Variants in KCNK2 observed in about 807,000 individuals in gnomAD.
The protein encoded by KCNK2 is potassium two pore domain channel subfamily K member 2.
KCNK2 carries 21 observed loss-of-function variants against 40.5 expected under a neutral mutation model. That is an observed-to-expected ratio of 0.52 (90% CI 0.37 to 0.75). The LOEUF is 0.75. Ranked by LOEUF, KCNK2 falls within the 30% of genes least tolerant of loss-of-function variation. The probability of loss-of-function intolerance (pLI) is 0.00; values close to 1 mark genes in which losing one functional copy is unlikely to be tolerated. For synonymous variants in KCNK2, 191 were observed against 202.2 expected (o/e 0.94, Z 0.47); for missense variants, 399 against 531.6 (o/e 0.75, Z 2.45).
chr1:215,033,522 GGGA>G (rs972663177), intron 1 of KCNK2, among the ~76,000 whole-genome samples: 2 of 152,096 alleles, frequency 1.3e-5, no homozygotes, highest in African/African-American at 2.4e-5. Context: ...AAGGTATGAG[GGGA>G]GGAGAAGTGT....
At chr1:215,006,982 T>C (rs1295467137) in intron 1 of KCNK2, among the ~76,000 whole-genome samples, 1 of 126,096 alleles carries the variant, frequency 7.9e-6, no homozygotes, top group African/African-American at 3.2e-5. Context: ...ATCACTAAGT[T>C]TGGGGACCAA....
intron 6 of KCNK2, among the ~76,000 whole-genome samples, chr1:215,207,758 G>T (rs1665378636): frequency 6.6e-6 from 1 of 152,018 alleles, no homozygotes; most frequent in Non-Finnish European, 1.5e-5. Flanking sequence ...AGCAACACAA[G>T]CATATGGAAA....
intron 1 of KCNK2, among the ~76,000 whole-genome samples, chr1:215,018,998 C>G (rs201303840): frequency 7.2e-6 from 1 of 138,792 alleles, no homozygotes; most frequent in African/African-American, 2.5e-5. Flanking sequence ...CACACACACA[C>G]AAAAAAAAAA....
At chr1:215,192,442 TC>T (rs1664706061) in intron 5 of KCNK2, among the ~76,000 whole-genome samples, 1 of 152,202 alleles carries the variant, frequency 6.6e-6, no homozygotes, top group South Asian at 2.1e-4. Context: ...AACTGTGACA[TC>T]CTGTTTATAA....
At chr1:215,190,276 G>C (rs762919957) in intron 5 of KCNK2, among the ~76,000 whole-genome samples, 22 of 152,190 alleles carry the variant, frequency 1.4e-4, no homozygotes, top group Admixed American at 3.9e-4. Context: ...TTGGTGGAAT[G>C]ATGCTTGTCC....
chr1:215,234,963 G>T lies in KCNK2; in HGVS notation c.1099G>T (p.Ala367Ser). 1 of 1,614,016 alleles carries T rather than the reference G, an allele frequency of 6.2e-7. No individual in the cohort carries two copies. Among genetic ancestry groups the T allele is most frequent in the Non-Finnish European group, 8.5e-7 (1 of 1,179,998 alleles). The change falls in exon 7 of 7, where the codon GCA (alanine) becomes TCA (serine). Residue 367 changes from alanine (A) to serine (S), a missense_variant. Around this residue, in one of 3 missense-constraint regions of KCNK2, gnomAD observed 103 missense variants for 124.3 expected, o/e 0.83. Transcript: ENST00000444842. ...RATSIKRKLS[A>S]ELAGNHNQEL... The stretch of plus-strand genomic sequence containing the variant: ...CACCTCCATCAAGCGGAAGCTCTCG[G>T]CAGAACTGGCTGGAAACCACAATCA...
At chr1:215,154,766 A>G (rs1410936106) in intron 3 of KCNK2, among the ~76,000 whole-genome samples, 1 of 152,088 alleles carries the variant, frequency 6.6e-6, no homozygotes, top group African/African-American at 2.4e-5. Flanking sequence ...TATAAGGTGT[A>G]AAGAAGGGGT....
chr1:215,017,301 G>A (rs7514693), intron 1 of KCNK2, among the ~76,000 whole-genome samples: 34,001 of 152,088 alleles, frequency 0.22, 4,587 homozygotes, highest in South Asian at 0.5. Flanking sequence ...CATGTTTACT[G>A]CAGCACTATT....
At chr1:215,219,811 A>G (rs1260423221) in intron 6 of KCNK2, among the ~76,000 whole-genome samples, 3 of 152,168 alleles carry the variant, frequency 2.0e-5, no homozygotes, top group Non-Finnish European at 4.4e-5. Flanking sequence ...TGTTACAATC[A>G]TTTATTTTGA....
chr1:215,007,041 G>GTGTGTGTATATATATATA (rs1558053959), intron 1 of KCNK2, among the ~76,000 whole-genome samples: 3 of 110,318 alleles, frequency 2.7e-5, no homozygotes, highest in Non-Finnish European at 5.4e-5. Context: ...ATATATATGT[G>GTGTGTGTATATATATATA]TGTGTGTGTA....
At chr1:215,228,385 T>C (rs1317730755) in intron 6 of KCNK2, among the ~76,000 whole-genome samples, 1 of 152,088 alleles carries the variant, frequency 6.6e-6, no homozygotes, top group Non-Finnish European at 1.5e-5. Context: ...CTTAGTGAGG[T>C]GGATGAGAAC....
chr1:215,228,246 A>T (rs1666473570), intron 6 of KCNK2, among the ~76,000 whole-genome samples: 1 of 152,190 alleles, frequency 6.6e-6, no homozygotes, highest in Admixed American at 6.5e-5. Flanking sequence ...GATTGAGAAA[A>T]TTGACCCGAA....
intron 3 of KCNK2, among the ~76,000 whole-genome samples, chr1:215,162,734 T>A (rs988729143): frequency 2.6e-5 from 4 of 152,180 alleles, no homozygotes; most frequent in Non-Finnish European, 4.4e-5. Context: ...TGGTTGTAGA[T>A]GTGTGGCATT....
At chr1:215,210,167 G>C (rs1292685157) in intron 6 of KCNK2, among the ~76,000 whole-genome samples, 1 of 146,554 alleles carries the variant, frequency 6.8e-6, no homozygotes. Flanking sequence ...TATAGTGTGT[G>C]TATGTACATA....
intron 2 of KCNK2, among the ~76,000 whole-genome samples, chr1:215,095,595 A>G (rs1412027476): frequency 6.6e-6 from 1 of 152,100 alleles, no homozygotes; most frequent in Non-Finnish European, 1.5e-5. Flanking sequence ...AGGTGACTCT[A>G]ACGCTTCTTT....
At chr1:215,230,947 T>C (rs1338334733) in intron 6 of KCNK2, among the ~76,000 whole-genome samples, 1 of 152,216 alleles carries the variant, frequency 6.6e-6, no homozygotes, top group Non-Finnish European at 1.5e-5. Context: ...TAATAATTTA[T>C]GGACTCCAAC....
intron 1 of KCNK2, among the ~76,000 whole-genome samples, chr1:215,069,294 G>A (rs776431903): frequency 6.6e-6 from 1 of 152,184 alleles, no homozygotes; most frequent in Non-Finnish European, 1.5e-5. Context: ...TCTAGCAAAA[G>A]CTCCCTGCCC....
At chr1:215,098,684 A>G (rs945083243) in intron 2 of KCNK2, among the ~76,000 whole-genome samples, 3 of 151,768 alleles carry the variant, frequency 2.0e-5, no homozygotes, top group African/African-American at 7.3e-5. Flanking sequence ...AAATTCTTTC[A>G]TTTAGATCTC....
intron 1 of KCNK2, among the ~76,000 whole-genome samples, chr1:215,012,015 T>G (rs927219600): frequency 2.7e-4 from 41 of 152,280 alleles, no homozygotes; most frequent in African/African-American, 9.9e-4. Context: ...AGAAGTATTT[T>G]GTTGTACCAG....
Sources: allele counts gnomAD v4.1 joint callset (sites outside exome capture counted in the v4.1 genomes callset), GRCh38; gene constraint gnomAD v4.1.1; regional missense constraint gnomAD v4.1.1; transcripts MANE v1.5; gene names NCBI Gene and HGNC (gene_info 2026-07-23, HGNC 2026-07-21).